The following CAMTA1 variants were observed in gnomAD, a reference collection of about 807,000 sequenced individuals.
CAMTA1 encodes the protein calmodulin-binding transcription activator 1.
Under a neutral mutation model 170.9 loss-of-function variants are expected in CAMTA1, and 27 were observed. The ratio of observed to expected loss-of-function variants is 0.16; its 90% CI spans 0.12 to 0.22. The LOEUF (loss-of-function observed/expected upper bound fraction) is 0.22, where lower values mean the gene tolerates loss of function less well. Ranked by LOEUF, CAMTA1 falls within the 10% of genes least tolerant of loss-of-function variation. The probability of loss-of-function intolerance (pLI) is 1.00; values close to 1 mark genes in which losing one functional copy is unlikely to be tolerated. For missense variants in CAMTA1, 1,619 were observed against 2,217.2 expected (o/e 0.73, Z 5.42); for synonymous variants, 833 against 891.5 (o/e 0.93, Z 1.17).
chr1:7,442,106 T>C (rs1395123782), intron 5 of CAMTA1, among the ~76,000 whole-genome samples: 1 of 152,178 alleles, frequency 6.6e-6, no homozygotes, highest in African/African-American at 2.4e-5. Flanking sequence ...CAATTTTGTT[T>C]CTACTCTCCC....
chr1:7,499,940 ATGAGTGTGTGGAGAGGACTGTG>A (rs2093954569), intron 6 of CAMTA1, among the ~76,000 whole-genome samples: 1 of 121,108 alleles, frequency 8.3e-6, no homozygotes, highest in Non-Finnish European at 1.7e-5. Context: ...TGCAGAGAGG[ATGAGTGTGTGGAGAGGACTGTG>A]TGAGCCTGGT....
chr1:7,726,329 A>G (rs188408878), intron 11 of CAMTA1, among the ~76,000 whole-genome samples: 246 of 152,152 alleles, frequency 1.6e-3, no homozygotes, highest in Admixed American at 0.011. Flanking sequence ...TTCTGGATCT[A>G]ACATTCACCT....
intron 4 of CAMTA1, among the ~76,000 whole-genome samples, chr1:7,177,973 C>T (rs141090825): frequency 0.02 from 3,088 of 152,066 alleles, 53 homozygotes; most frequent in Middle Eastern, 0.054. Context: ...ACACTGAACC[C>T]CCTCCCCACG....
chr1:6,840,621 T>C (rs761911570), intron 3 of CAMTA1, among the ~76,000 whole-genome samples: 13 of 152,190 alleles, frequency 8.5e-5, no homozygotes, highest in Non-Finnish European at 1.8e-4. Context: ...AATAGGCAAC[T>C]TCCATAAGTC....
chr1:7,488,525 AC>A (rs2093650146), intron 6 of CAMTA1, among the ~76,000 whole-genome samples: 1 of 152,106 alleles, frequency 6.6e-6, no homozygotes, highest in Admixed American at 6.5e-5. Flanking sequence ...ACATGTACAC[AC>A]AATACACATG....
rs144011276 is a variant in CAMTA1, at chr1:7,032,933, C to T, written c.235-58371C>T. 1.2e-3 allele frequency among the ~76,000 whole-genome samples: 180 copies of T among 152,060 alleles called. 1 individual carries two copies. The highest frequency in any genetic ancestry group is 4.1e-3 in the African/African-American group (169 of 41,490). ...ATGAGAAGTCTGCAGTTATTCATAT[C>T]TTTGTTTTTCTCTGTACAATGCATC... is the stretch of plus-strand genomic sequence containing the variant. On this transcript the variant is annotated intron_variant, in intron 3 of 22. Coordinates refer to ENST00000303635, the MANE Select transcript of CAMTA1 (RefSeq NM_015215.4).
chr1:7,577,807 C>T (rs954098763), intron 6 of CAMTA1, among the ~76,000 whole-genome samples: 1 of 152,164 alleles, frequency 6.6e-6, no homozygotes, highest in South Asian at 2.1e-4. Context: ...GGCAATATAT[C>T]GATGAATGCA....
intron 5 of CAMTA1, among the ~76,000 whole-genome samples, chr1:7,428,592 G>A (rs1017200146): frequency 1.3e-5 from 2 of 152,036 alleles, no homozygotes; most frequent in African/African-American, 4.8e-5. Flanking sequence ...TCCCAGCAGC[G>A]TCCCTACCAC....
rs1655295094 is a variant in CAMTA1, at chr1:7,195,221, G to A, written c.303-54270G>A. On this transcript the variant is annotated intron_variant, in intron 4 of 22. Transcript: ENST00000303635. The surrounding 1 kb of genome is among the most constrained non-coding windows in gnomAD (Gnocchi z 4.1). ...GGACATTTGTGCCGTCCACCTTGCA[G>A]GCATATGGCAGCTCCCACGTTCTCA... Among the ~76,000 whole-genome samples the A allele has an allele frequency of 6.6e-6, 1 of 152,206 alleles. No homozygotes were observed. The highest frequency in any genetic ancestry group is 2.4e-5 in the African/African-American group (1 of 41,460).
At chr1:6,822,794 CCACACACACACACA>C (rs3061932) in intron 2 of CAMTA1, among the ~76,000 whole-genome samples, 2 of 146,486 alleles carry the variant, frequency 1.4e-5, no homozygotes, top group East Asian at 2.0e-4. Context: ...TACATAAATA[CCACACACACACACA>C]CACACACACA....
At chr1:7,107,278 A>ATGTG (rs148905936) in intron 4 of CAMTA1, among the ~76,000 whole-genome samples, 49,260 of 142,186 alleles carry the variant, frequency 0.35, 9,613 homozygotes, top group South Asian at 0.48. Flanking sequence ...GTGTGTGTGC[A>ATGTG]TGTGTGTGTG....
intron 3 of CAMTA1, among the ~76,000 whole-genome samples, chr1:6,984,890 G>A (rs558968644): frequency 6.6e-6 from 1 of 152,348 alleles, no homozygotes; most frequent in East Asian, 1.9e-4. Context: ...ACAGTCTGGA[G>A]TAATCTATTA....
At chr1:6,944,180 A>G (rs1220360044) in intron 3 of CAMTA1, among the ~76,000 whole-genome samples, 2 of 152,166 alleles carry the variant, frequency 1.3e-5, no homozygotes, top group African/African-American at 4.8e-5. Context: ...GGGTTCATCC[A>G]TGTTGTAGCA....
chr1:6,888,075 A>T, intron 3 of CAMTA1: 1 of 1,049,412 alleles, frequency 9.5e-7, no homozygotes, highest in Non-Finnish European at 1.2e-6. Context: ...TTTTCCAGTC[A>T]GTTACCACCT....
chr1:7,755,686 C>T lies in CAMTA1; in HGVS notation c.4989+18C>T. 2 of 1,612,552 alleles carry T rather than the reference C, an allele frequency of 1.2e-6. No individual in the cohort carries two copies. The highest frequency in any genetic ancestry group is 1.7e-6 in the Non-Finnish European group (2 of 1,178,614). On this transcript the variant is annotated intron_variant, in intron 22 of 22. Transcript: ENST00000303635. Reference sequence around the variant, plus strand: ...ACAAAAGGGTGAGTTTAGCTGCCTGCTAGCCAGTTTCTCTTCTCTTCCATT... The same window carrying T: ...ACAAAAGGGTGAGTTTAGCTGCCTGTTAGCCAGTTTCTCTTCTCTTCCATT...
In CAMTA1 at chr1:6,825,173, G is replaced by T; in HGVS notation, c.197G>T (p.Ser66Ile). Reference protein sequence around the residue: ...KLLECLPKCSSLPKERHRWNT... With the variant: ...KLLECLPKCSILPKERHRWNT... The stretch of plus-strand genomic sequence containing the variant: ...CTTGAATGTCTGCCGAAATGTTCAA[G>T]TTTACCAAAAGAGAGGCACCGCTGG... The change falls in exon 3 of 23, where the codon AGT (serine) becomes ATT (isoleucine). Residue 66 changes from serine (S) to isoleucine (I), a missense_variant. Coordinates refer to ENST00000303635, the MANE Select transcript of CAMTA1 (RefSeq NM_015215.4). The T allele has an allele frequency of 6.2e-7, 1 of 1,610,676 alleles. No homozygotes were observed. Among genetic ancestry groups the T allele is most frequent in the Non-Finnish European group, 8.5e-7 (1 of 1,178,728 alleles).
In CAMTA1 at chr1:7,286,796, T is replaced by C. The variant is rs185684332; in HGVS notation, c.438+37170T>C. Among the ~76,000 whole-genome samples, 7 of 152,200 alleles carry C rather than the reference T, an allele frequency of 4.6e-5. No individual in the cohort carries two copies. Among genetic ancestry groups the C allele is most frequent in the Non-Finnish European group, 1.0e-4 (7 of 68,038 alleles). Reference sequence around the variant, plus strand: ...AGTGAAAATCCCAGCTCTACACTTCTGAGTAGTAAGATATCAGGCAAGTTA... The same window carrying C: ...AGTGAAAATCCCAGCTCTACACTTCCGAGTAGTAAGATATCAGGCAAGTTA... On this transcript the variant is annotated intron_variant, in intron 5 of 22. Coordinates refer to ENST00000303635, the MANE Select transcript of CAMTA1 (RefSeq NM_015215.4). This position sits in a 1 kb window ranked among gnomAD's most constrained non-coding sequence, Gnocchi z 4.2.
At chr1:7,048,025 C>A (rs1386679575) in intron 3 of CAMTA1, among the ~76,000 whole-genome samples, 1 of 152,128 alleles carries the variant, frequency 6.6e-6, no homozygotes, top group Non-Finnish European at 1.5e-5. Flanking sequence ...TTGGTGAAGT[C>A]TAGGCTGAGT....
chr1:7,464,154 A>G (rs2093157286), intron 5 of CAMTA1, among the ~76,000 whole-genome samples: 1 of 152,200 alleles, frequency 6.6e-6, no homozygotes, highest in Non-Finnish European at 1.5e-5. Flanking sequence ...CAGGTTTCCT[A>G]TAAATACCTA....
Sources: gnomAD v4.1 joint callset for allele counts (sites outside exome capture counted in the v4.1 genomes callset) on GRCh38, gnomAD v4.1.1 for gene constraint, Gnocchi (gnomAD v3.1) non-coding constraint, MANE v1.5 for transcripts, NCBI Gene and HGNC (gene_info 2026-07-23, HGNC 2026-07-21) for gene names.